Variants in CHST15 observed in about 807,000 individuals in gnomAD.
CHST15 encodes carbohydrate sulfotransferase 15.
CHST15 carries 30 observed loss-of-function variants against 53.6 expected under a neutral mutation model. That is an observed-to-expected ratio of 0.56 (90% CI 0.42 to 0.76). The LOEUF (loss-of-function observed/expected upper bound fraction) is 0.76, where lower values mean the gene tolerates loss of function less well. Ranked by LOEUF, CHST15 falls within the 30% of genes least tolerant of loss-of-function variation. The probability of loss-of-function intolerance (pLI) is 0.00; values close to 1 mark genes in which losing one functional copy is unlikely to be tolerated. For synonymous variants in CHST15, 296 were observed against 289.8 expected (o/e 1.02, Z -0.22); for missense variants, 627 against 740.5 (o/e 0.85, Z 1.78).
At chr10:124,050,429 G>A (rs1307537135) in intron 1 of CHST15, among the ~76,000 whole-genome samples, 1 of 152,228 alleles carries the variant, frequency 6.6e-6, no homozygotes, top group Non-Finnish European at 1.5e-5. Flanking sequence ...TTGGAACAGG[G>A]TTTTGGAATT....
At chr10:124,042,476 G>A in intron 3 of CHST15, 29 bp from the exon 4 acceptor site, 2 of 1,609,238 alleles carry the variant, frequency 1.2e-6, no homozygotes, top group Non-Finnish European at 1.7e-6. Context: ...AGGAGATACT[G>A]AGGACAAAGT....
intron 1 of CHST15, among the ~76,000 whole-genome samples, chr10:124,082,782 A>G (rs543431241): frequency 2.0e-4 from 31 of 152,366 alleles, no homozygotes; most frequent in Admixed American, 2.0e-3. Flanking sequence ...TGGATGAACC[A>G]TGACAGTTAC....
Position 124,024,653 on chromosome 10 carries a change from A to T in CHST15, c.1191-3241T>A, listed in dbSNP as rs1946926132. On this transcript the variant is annotated intron_variant, in intron 5 of 7. Transcript: ENST00000435907. The surrounding 1 kb of genome is among the most constrained non-coding windows in gnomAD (Gnocchi z 4.0). ...ATCACCTGTGCTATTTTCCTTCTTC[A>T]GAATTAGAAGACACATCAAAACTGA... Among the ~76,000 whole-genome samples the T allele has an allele frequency of 6.6e-6, 1 of 152,204 alleles. No individual in the cohort carries two copies. Among genetic ancestry groups the T allele is most frequent in the Non-Finnish European group, 1.5e-5 (1 of 68,040 alleles).
At chr10:124,079,014 A>G (rs1277285277) in intron 1 of CHST15, among the ~76,000 whole-genome samples, 1 of 152,254 alleles carries the variant, frequency 6.6e-6, no homozygotes, top group African/African-American at 2.4e-5. Flanking sequence ...GGGGACTCTG[A>G]GCAAGCATTC....
intron 6 of CHST15, among the ~76,000 whole-genome samples, chr10:124,013,137 T>C (rs565989183): frequency 1.2e-3 from 186 of 152,316 alleles, no homozygotes; most frequent in Non-Finnish European, 2.5e-3. Flanking sequence ...CTCGGGCCTT[T>C]CCCTCGGCTC....
At chr10:124,011,391 T>C (rs887692987) in intron 7 of CHST15, 2 of 984,904 alleles carry the variant, frequency 2.0e-6, no homozygotes, top group Non-Finnish European at 2.4e-6. Context: ...ATTCTAAGCC[T>C]TGGAAGGGAA....
chr10:124,045,125 A>AAAAAC (rs1554911441), intron 2 of CHST15, among the ~76,000 whole-genome samples: 2,166 of 103,494 alleles, frequency 0.021, 68 homozygotes, highest in South Asian at 0.13. Context: ...AAAAAAAAAA[A>AAAAAC]AAAAAAAAAA....
chr10:124,032,755 T>C (rs1482771789), intron 5 of CHST15, among the ~76,000 whole-genome samples: 1 of 151,814 alleles, frequency 6.6e-6, no homozygotes, highest in Non-Finnish European at 1.5e-5. Context: ...GCTGGCTTCT[T>C]TGGCCATATG....
chr10:124,047,108 A>G (rs1948029921), intron 1 of CHST15, among the ~76,000 whole-genome samples: 1 of 152,194 alleles, frequency 6.6e-6, no homozygotes, highest in Admixed American at 6.5e-5. Flanking sequence ...TACAAATTTG[A>G]GGGATGGATT....
At chr10:124,090,186 C>G (rs555620064) in intron 1 of CHST15, among the ~76,000 whole-genome samples, 1 of 152,236 alleles carries the variant, frequency 6.6e-6, no homozygotes, top group African/African-American at 2.4e-5. Flanking sequence ...AGGGCACTCA[C>G]CCCTAACCCT....
chr10:124,089,622 A>G (rs1949542457), intron 1 of CHST15, among the ~76,000 whole-genome samples: 1 of 152,132 alleles, frequency 6.6e-6, no homozygotes, highest in African/African-American at 2.4e-5. Flanking sequence ...TCCCCTGTTC[A>G]GGGGGTGGGT....
intron 1 of CHST15, among the ~76,000 whole-genome samples, chr10:124,075,181 A>G (rs1489690259): frequency 6.6e-6 from 1 of 152,214 alleles, no homozygotes; most frequent in African/African-American, 2.4e-5. Flanking sequence ...TTGCTTGAAC[A>G]TGGAGGTGCT....
chr10:124,018,115 G>A (rs980372915), intron 6 of CHST15, among the ~76,000 whole-genome samples: 6 of 152,236 alleles, frequency 3.9e-5, no homozygotes, highest in African/African-American at 1.4e-4. Flanking sequence ...TCAAAGATGG[G>A]ACAACACTCC....
intron 1 of CHST15, among the ~76,000 whole-genome samples, chr10:124,091,215 T>C (rs1949591766): frequency 6.6e-6 from 1 of 152,256 alleles, no homozygotes; most frequent in Non-Finnish European, 1.5e-5. Context: ...AATAAAATCA[T>C]ATATGATCTA....
At position 124,024,454 on chromosome 10, in the gene CHST15, A is replaced by G. The variant is rs940925476; in HGVS notation, c.1191-3042T>C. ...CTACCCACAGAGTTCCTAGAATCAAAACACCCACCGGAACAGGAGTGTTCC... is the reference window on the plus strand; with the variant it reads ...CTACCCACAGAGTTCCTAGAATCAAGACACCCACCGGAACAGGAGTGTTCC... On this transcript the variant is annotated intron_variant, in intron 5 of 7. Coordinates refer to ENST00000435907, the MANE Select transcript of CHST15 (RefSeq NM_001270764.2). The surrounding 1 kb of genome is among the most constrained non-coding windows in gnomAD (Gnocchi z 4.0). Among the ~76,000 whole-genome samples, 1 of 152,086 alleles carries G rather than the reference A, an allele frequency of 6.6e-6. No homozygotes were observed. The highest frequency in any genetic ancestry group is 2.4e-5 in the African/African-American group (1 of 41,406).
intron 1 of CHST15, among the ~76,000 whole-genome samples, chr10:124,069,107 C>T (rs1467712293): frequency 2.0e-5 from 3 of 152,242 alleles, no homozygotes; most frequent in Non-Finnish European, 4.4e-5. Flanking sequence ...TCTGCACAGA[C>T]ATCCATCGGC....
chr10:124,075,862 T>C (rs1239796416), intron 1 of CHST15, among the ~76,000 whole-genome samples: 4 of 152,208 alleles, frequency 2.6e-5, no homozygotes, highest in East Asian at 1.9e-4. Flanking sequence ...TCCAAGCCTC[T>C]TGCTCCAGGG....
chr10:124,051,847 G>A (rs1368489343), intron 1 of CHST15, among the ~76,000 whole-genome samples: 1 of 152,118 alleles, frequency 6.6e-6, no homozygotes, highest in Non-Finnish European at 1.5e-5. Flanking sequence ...TTAAGTAATT[G>A]AATGCCCCCT....
chr10:124,048,525 T>C (rs1948079611), intron 1 of CHST15, among the ~76,000 whole-genome samples: 1 of 152,178 alleles, frequency 6.6e-6, no homozygotes, highest in African/African-American at 2.4e-5. Context: ...ACCTCAAGGA[T>C]CAACCTCTGC....
Sources: gnomAD v4.1 joint callset for allele counts (sites outside exome capture counted in the v4.1 genomes callset) on GRCh38, gnomAD v4.1.1 for gene constraint, Gnocchi (gnomAD v3.1) non-coding constraint, MANE v1.5 for transcripts, NCBI Gene and HGNC (gene_info 2026-07-23, HGNC 2026-07-21) for gene names.